The following SORCS1 variants were observed in gnomAD, a reference collection of about 807,000 sequenced individuals.
SORCS1 encodes the protein sortilin related VPS10 domain containing receptor 1.
SORCS1 carries 60 observed loss-of-function variants against 146.1 expected under a neutral mutation model. That is an observed-to-expected ratio of 0.41 (90% CI 0.33 to 0.51). SORCS1 has a LOEUF of 0.51. Ranked by LOEUF, SORCS1 falls within the 20% of genes least tolerant of loss-of-function variation. The pLI is 0.21. For missense variants in SORCS1, 1,352 were observed against 1,487.6 expected (o/e 0.91, Z 1.50); for synonymous variants, 637 against 584.0 (o/e 1.09, Z -1.31).
chr10:107,115,673 C>T (rs1467120852), intron 1 of SORCS1, among the ~76,000 whole-genome samples: 1 of 151,984 alleles, frequency 6.6e-6, no homozygotes, highest in Non-Finnish European at 1.5e-5. Context: ...TAAAAGCTCC[C>T]TGACATTGGC....
chr10:107,145,070 G>A (rs940153659), intron 1 of SORCS1, among the ~76,000 whole-genome samples: 1 of 152,156 alleles, frequency 6.6e-6, no homozygotes, highest in Non-Finnish European at 1.5e-5. Context: ...TGGATGCAGG[G>A]GGAGGTGTAA....
intron 6 of SORCS1, among the ~76,000 whole-genome samples, chr10:106,709,638 C>T (rs1253973218): frequency 6.6e-6 from 1 of 151,704 alleles, no homozygotes; most frequent in African/African-American, 2.4e-5. Flanking sequence ...TTAGTAGAGA[C>T]GGGGTTTCAC....
chr10:106,934,037 T>C (rs911752664), intron 2 of SORCS1, among the ~76,000 whole-genome samples: 1 of 142,904 alleles, frequency 7.0e-6, no homozygotes, highest in Admixed American at 7.4e-5. Context: ...GAGGTTGCAG[T>C]GAGTCGAGAT....
chr10:106,806,563 T>C (rs1292206881), intron 3 of SORCS1, among the ~76,000 whole-genome samples: 1 of 118,424 alleles, frequency 8.4e-6, no homozygotes, highest in African/African-American at 3.3e-5. Context: ...TGGCCCAGGC[T>C]GGAGTGCAGT....
intron 3 of SORCS1, among the ~76,000 whole-genome samples, chr10:106,787,490 T>A (rs1946109168): frequency 6.6e-6 from 1 of 152,198 alleles, no homozygotes; most frequent in Non-Finnish European, 1.5e-5. Context: ...TGTATTTGCA[T>A]CTGGCTGCAT....
intron 1 of SORCS1, among the ~76,000 whole-genome samples, chr10:106,961,827 A>T (rs1454096528): frequency 2.6e-5 from 4 of 152,220 alleles, no homozygotes; most frequent in African/African-American, 9.6e-5. Context: ...GGGTATAAAT[A>T]TTGCTAGCAA....
intron 1 of SORCS1, 77 bp from the exon 2 acceptor site, chr10:106,956,657 CT>C: frequency 8.5e-7 from 1 of 1,172,496 alleles, no homozygotes; most frequent in Non-Finnish European, 1.3e-6. Flanking sequence ...CAAGGGAGGG[CT>C]TAGGATTCCT....
chr10:106,993,621 T>C (rs11193150), intron 1 of SORCS1, among the ~76,000 whole-genome samples: 62,178 of 151,870 alleles, frequency 0.41, 15,077 homozygotes, highest in African/African-American at 0.69. Flanking sequence ...TCAAATCAGG[T>C]ACAGTATCAT....
At chr10:106,629,936 C>CGG (rs566337977) in intron 18 of SORCS1, among the ~76,000 whole-genome samples, 41 of 151,986 alleles carry the variant, frequency 2.7e-4, no homozygotes, top group Non-Finnish European at 4.4e-4. Context: ...CCCAGCTACT[C>CGG]GGGGGGGCTG....
At chr10:106,681,160 G>A (rs1852407247) in intron 10 of SORCS1, among the ~76,000 whole-genome samples, 1 of 152,166 alleles carries the variant, frequency 6.6e-6, no homozygotes, top group Non-Finnish European at 1.5e-5. Flanking sequence ...TGTCCAAGAG[G>A]AAGACTAGAA....
At chr10:107,086,114 G>A (rs961096185) in intron 1 of SORCS1, among the ~76,000 whole-genome samples, 5 of 152,168 alleles carry the variant, frequency 3.3e-5, no homozygotes, top group African/African-American at 7.2e-5. Context: ...GTGTAATCTC[G>A]TCTAAGCACA....
chr10:106,893,724 C>T (rs914893109), intron 2 of SORCS1, among the ~76,000 whole-genome samples: 5 of 151,926 alleles, frequency 3.3e-5, no homozygotes, highest in South Asian at 2.1e-4. Context: ...GAAAAAAATG[C>T]AAGTGGAAAA....
At chr10:106,756,665 T>G (rs555762456) in intron 5 of SORCS1, among the ~76,000 whole-genome samples, 29 of 152,228 alleles carry the variant, frequency 1.9e-4, no homozygotes, top group Non-Finnish European at 4.0e-4. Flanking sequence ...TGGAGGAAAG[T>G]TCTTATTTAT....
intron 17 of SORCS1, among the ~76,000 whole-genome samples, chr10:106,662,314 T>C (rs1476586070): frequency 2.6e-5 from 4 of 151,858 alleles, no homozygotes; most frequent in Non-Finnish European, 5.9e-5. Flanking sequence ...AAGTGAGTTA[T>C]TTAAGAACTT....
intron 3 of SORCS1, among the ~76,000 whole-genome samples, chr10:106,828,678 C>G (rs1221351110): frequency 1.3e-5 from 2 of 152,140 alleles, no homozygotes; most frequent in Admixed American, 6.6e-5. Flanking sequence ...TACTACTTAA[C>G]AATCGTATGT....
intron 2 of SORCS1, among the ~76,000 whole-genome samples, chr10:106,844,057 T>C (rs1949191614): frequency 6.6e-6 from 1 of 152,212 alleles, no homozygotes; most frequent in African/African-American, 2.4e-5. Flanking sequence ...TTGTTATCTT[T>C]TGATATTTTG....
chr10:106,757,995 T>C (rs113489236), intron 5 of SORCS1, among the ~76,000 whole-genome samples: 71 of 152,362 alleles, frequency 4.7e-4, no homozygotes, highest in African/African-American at 1.7e-3. Context: ...AAGTAGTGCT[T>C]GTTGCACTAC....
intron 1 of SORCS1, among the ~76,000 whole-genome samples, chr10:107,029,353 A>G (rs767236259): frequency 2.0e-5 from 3 of 152,222 alleles, no homozygotes; most frequent in Non-Finnish European, 4.4e-5. Context: ...TTTGGAGCAC[A>G]TTCGTCAAAA....
Position 106,789,222 on chromosome 10 carries a change from G to A in SORCS1, c.727-12530C>T, listed in dbSNP as rs546987561. Among the ~76,000 whole-genome samples the A allele has an allele frequency of 2.8e-4, 43 of 152,262 alleles. 1 individual carries two copies. In the East Asian group the frequency reaches 5.6e-3, roughly 20 times the overall value. ...CCATTTTTCCCTCCTATGCCTCCAA[G>A]TCTCTGATAGGAGGGACAGCCATGA... On this transcript the variant is annotated intron_variant, in intron 3 of 25. Transcript: ENST00000263054.
Sources: allele counts gnomAD v4.1 joint callset (sites outside exome capture counted in the v4.1 genomes callset), GRCh38; gene constraint gnomAD v4.1.1; transcripts MANE v1.5; gene names NCBI Gene and HGNC (gene_info 2026-07-23, HGNC 2026-07-21).